The following EXOC6 variants were observed in gnomAD, a reference collection of about 807,000 sequenced individuals.
The protein encoded by EXOC6 is exocyst complex component 6.
In EXOC6, 60 loss-of-function variants were observed where a neutral mutation model predicts 112.5. That is an observed-to-expected ratio of 0.53 (90% CI 0.43 to 0.66). EXOC6 has a LOEUF of 0.66. Among genes scored for constraint, EXOC6 ranks in the 30% least tolerant of loss-of-function variants. The pLI is 0.00. For synonymous variants in EXOC6, 295 were observed against 308.0 expected, an observed-to-expected ratio of 0.96 and a Z score of 0.44; for missense variants, 855 against 957.1, an observed-to-expected ratio of 0.89 and a Z score of 1.41.
intron 20 of EXOC6, among the ~76,000 whole-genome samples, chr10:93,027,319 T>C (rs895232787): frequency 4.6e-5 from 7 of 152,200 alleles, no homozygotes; most frequent in Non-Finnish European, 8.8e-5. Context: ...ACGTGCAAGA[T>C]GAAGCAGCAA....
upstream of EXOC6, among the ~76,000 whole-genome samples, chr10:92,831,000 C>T (rs542922061): frequency 1.3e-5 from 2 of 152,216 alleles, no homozygotes; most frequent in South Asian, 4.1e-4. Context: ...TTCTCTGTTA[C>T]TTTTGGGAGG....
intron 1 of EXOC6, among the ~76,000 whole-genome samples, chr10:92,851,041 A>G (rs1226867703): frequency 6.6e-6 from 1 of 152,250 alleles, no homozygotes; most frequent in Non-Finnish European, 1.5e-5. Context: ...TCAAAAGAGA[A>G]ATTAGAAAGT....
chr10:92,898,429 CA>C (rs11187205), intron 4 of EXOC6, among the ~76,000 whole-genome samples: 59,254 of 137,098 alleles, frequency 0.43, 12,557 homozygotes, highest in African/African-American at 0.54. Context: ...GACCTTGTCT[CA>C]AAAAAAAAAA....
chr10:92,910,977 T>C (rs1306928576), intron 6 of EXOC6, among the ~76,000 whole-genome samples: 1 of 152,164 alleles, frequency 6.6e-6, no homozygotes, highest in Non-Finnish European at 1.5e-5. Context: ...GATAAAGGTA[T>C]AGATGGAACA....
chr10:92,943,087 C>T (rs1001593839), intron 13 of EXOC6, among the ~76,000 whole-genome samples: 1 of 150,846 alleles, frequency 6.6e-6, no homozygotes, highest in African/African-American at 2.4e-5. Flanking sequence ...AGTGGCGTGA[C>T]CTCGGCTCAC....
intron 17 of EXOC6, among the ~76,000 whole-genome samples, chr10:92,957,291 C>A (rs538232962): frequency 6.6e-6 from 1 of 152,206 alleles, no homozygotes; most frequent in South Asian, 2.1e-4. Context: ...AATATGCTTA[C>A]CCAGTACCCT....
At chr10:92,844,583 G>GT (rs574293696), upstream of EXOC6, among the ~76,000 whole-genome samples, 9 of 151,198 alleles carry the variant, frequency 6.0e-5, no homozygotes, top group East Asian at 3.9e-4. Flanking sequence ...ACACAATCAG[G>GT]TTTTTTTTTA....
At chr10:92,899,763 C>A in intron 5 of EXOC6, 119 bp downstream of exon 5, 1 of 655,970 alleles carries the variant, frequency 1.5e-6, no homozygotes, top group Non-Finnish European at 2.6e-6. Context: ...TTACACTAAC[C>A]TTTGTACTTA....
chr10:92,976,456 T>G (rs1392768626), intron 18 of EXOC6, among the ~76,000 whole-genome samples: 2 of 151,948 alleles, frequency 1.3e-5, no homozygotes, highest in Non-Finnish European at 2.9e-5. Context: ...AAACAGATGC[T>G]TGAAGGCAGC....
In EXOC6 at chr10:93,058,611, G is replaced by C; in HGVS notation, c.*256G>C. On this transcript the variant is annotated 3_prime_UTR_variant, in exon 22 of 22. Transcript: ENST00000260762. ...AATGCAAAAGTGTAATACATAAATTGTCACAAATTATACATGAAATTGATT... is the reference window on the plus strand; with the variant it reads ...AATGCAAAAGTGTAATACATAAATTCTCACAAATTATACATGAAATTGATT... 3.3e-6 allele frequency: 1 copy of C among 303,040 alleles called. No individual in the cohort carries two copies. The highest frequency in any genetic ancestry group is 6.0e-6 in the Non-Finnish European group (1 of 166,662). 18.8% of individuals were successfully genotyped at this position (303,040 alleles called of 1,614,324 possible).
At chr10:92,847,151 C>A (rs961501142), upstream of EXOC6, among the ~76,000 whole-genome samples, 2 of 152,206 alleles carry the variant, frequency 1.3e-5, no homozygotes, top group Admixed American at 1.3e-4. Flanking sequence ...ACGTACAGAA[C>A]TGTAAGATAA....
In EXOC6 at chr10:92,955,950, TTGA is replaced by T. The variant is rs536778294; in HGVS notation, c.1773+241_1773+243del. Reference sequence around the variant, plus strand: ...CAGTGTATTATGCTTTGTTCATGTTTTGATGATTTATAGTAGTGCTGACTAGGT... The same window carrying T: ...CAGTGTATTATGCTTTGTTCATGTTTTGATTTATAGTAGTGCTGACTAGGT... On this transcript the variant is annotated intron_variant, in intron 17 of 21. Transcript: ENST00000260762. 1.5e-4 allele frequency among the ~76,000 whole-genome samples: 23 copies of T among 152,250 alleles called. No individual in the cohort carries two copies. In the South Asian group the frequency reaches 3.3e-3, roughly 22 times the overall value.
At chr10:92,831,183 G>T, upstream of EXOC6, 1 of 437,200 alleles carries the variant, frequency 2.3e-6, no homozygotes, top group South Asian at 1.8e-5. Flanking sequence ...CACTTAGCAG[G>T]ACTGAGAGGA....
intron 1 of EXOC6, among the ~76,000 whole-genome samples, chr10:92,864,490 G>A (rs753472236): frequency 1.3e-5 from 2 of 152,186 alleles, no homozygotes; most frequent in Non-Finnish European, 2.9e-5. Context: ...GAAATTTTAT[G>A]TGTCGACTTA....
intron 17 of EXOC6, among the ~76,000 whole-genome samples, chr10:92,972,607 A>G (rs532290359): frequency 1.2e-4 from 19 of 152,254 alleles, no homozygotes; most frequent in African/African-American, 4.3e-4. Flanking sequence ...ATGAGTGTAC[A>G]TTGAGCCCTG....
intron 17 of EXOC6, among the ~76,000 whole-genome samples, chr10:92,971,523 C>T (rs562308382): frequency 6.6e-6 from 1 of 152,036 alleles, no homozygotes; most frequent in Non-Finnish European, 1.5e-5. Context: ...TACAGGCACA[C>T]ACCACCACGT....
intron 1 of EXOC6, among the ~76,000 whole-genome samples, chr10:92,890,960 A>C (rs1009499446): frequency 1.3e-5 from 2 of 152,332 alleles, no homozygotes; most frequent in Middle Eastern, 3.4e-3. Flanking sequence ...TATTGAGAAC[A>C]GACTGAAAGG....
chr10:92,844,973 A>G (rs530190923), upstream of EXOC6, among the ~76,000 whole-genome samples: 4 of 152,362 alleles, frequency 2.6e-5, no homozygotes, highest in South Asian at 6.2e-4. Context: ...AAGACAGGTC[A>G]TTAGTCTGTA....
upstream of EXOC6, among the ~76,000 whole-genome samples, chr10:92,848,164 C>T (rs1847125312): frequency 6.6e-6 from 1 of 152,116 alleles, no homozygotes; most frequent in African/African-American, 2.4e-5. Context: ...ATCTGAGTGT[C>T]CACCTTGCTG....
Sources: allele counts gnomAD v4.1 joint callset (sites outside exome capture counted in the v4.1 genomes callset), GRCh38; gene constraint gnomAD v4.1.1; transcripts MANE v1.5; gene names NCBI Gene and HGNC (gene_info 2026-07-23, HGNC 2026-07-21).